SLC25A21: variants seen among roughly 807,000 people sequenced by gnomAD.
SLC25A21 encodes mitochondrial 2-oxodicarboxylate carrier.
Under a neutral mutation model 43.8 loss-of-function variants are expected in SLC25A21, and 47 were observed. The observed-to-expected ratio is 1.07, with a 90% CI of 0.85 to 1.37. The LOEUF is 1.37. SLC25A21 is among the 40% of genes most tolerant of loss of function. The probability of loss-of-function intolerance (pLI) is 0.00; values close to 1 mark genes in which losing one functional copy is unlikely to be tolerated. For synonymous variants in SLC25A21, 131 were observed against 121.3 expected, an observed-to-expected ratio of 1.08 and a Z score of -0.52; for missense variants, 352 against 350.2, an observed-to-expected ratio of 1.00 and a Z score of -0.04.
chr14:36,737,947 G>A (rs1885110340), intron 3 of SLC25A21, among the ~76,000 whole-genome samples: 1 of 152,176 alleles, frequency 6.6e-6, no homozygotes, highest in Non-Finnish European at 1.5e-5. Context: ...GCCTTTGATT[G>A]TATGAGATAC....
chr14:36,813,587 C>T (rs1380682808), intron 3 of SLC25A21, among the ~76,000 whole-genome samples: 1 of 151,982 alleles, frequency 6.6e-6, no homozygotes, highest in Non-Finnish European at 1.5e-5. Flanking sequence ...AGAGTGTGAA[C>T]GGGGAATGAA....
At chr14:36,881,080 T>C (rs1319716764) in intron 1 of SLC25A21, among the ~76,000 whole-genome samples, 1 of 152,216 alleles carries the variant, frequency 6.6e-6, no homozygotes, top group Non-Finnish European at 1.5e-5. Flanking sequence ...AATTTAGTGT[T>C]GCTGTTGACA....
intron 2 of SLC25A21, among the ~76,000 whole-genome samples, chr14:36,817,050 A>G (rs1888481645): frequency 6.6e-6 from 1 of 152,134 alleles, no homozygotes; most frequent in East Asian, 1.9e-4. Flanking sequence ...AATATCCGTA[A>G]TAAGCTTTAA....
intron 7 of SLC25A21, among the ~76,000 whole-genome samples, chr14:36,687,867 C>T (rs190698551): frequency 6.6e-6 from 1 of 152,308 alleles, no homozygotes; most frequent in Admixed American, 6.5e-5. Context: ...GCAGTAATAT[C>T]AGGGTTCTCT....
At chr14:36,734,964 C>T (rs965885837) in intron 3 of SLC25A21, among the ~76,000 whole-genome samples, 1 of 152,148 alleles carries the variant, frequency 6.6e-6, no homozygotes, top group African/African-American at 2.4e-5. Context: ...TACCTGAACC[C>T]ATTAGACTGT....
chr14:36,749,118 G>C (rs1032166689), intron 3 of SLC25A21, among the ~76,000 whole-genome samples: 8 of 152,068 alleles, frequency 5.3e-5, no homozygotes, highest in African/African-American at 1.9e-4. Context: ...GCTGTTTTCT[G>C]TACCTGTCTT....
At chr14:36,819,360 C>CAA (rs56876343) in intron 2 of SLC25A21, among the ~76,000 whole-genome samples, 1 of 152,022 alleles carries the variant, frequency 6.6e-6, no homozygotes, top group Non-Finnish European at 1.5e-5. Flanking sequence ...TTTTTAAAGA[C>CAA]AAAAAATGTT....
intron 1 of SLC25A21, among the ~76,000 whole-genome samples, chr14:36,916,404 T>C (rs771161596): frequency 1.3e-5 from 2 of 152,196 alleles, no homozygotes; most frequent in Admixed American, 6.5e-5. Context: ...TTTTTTCTCA[T>C]GCATATATAG....
chr14:36,893,959 G>T (rs912224029), intron 1 of SLC25A21, among the ~76,000 whole-genome samples: 10 of 152,186 alleles, frequency 6.6e-5, no homozygotes, highest in African/African-American at 2.4e-4. Context: ...AGTATAGTTT[G>T]AAGTCAGGTA....
At chr14:36,921,396 C>A (rs1891977872) in intron 1 of SLC25A21, among the ~76,000 whole-genome samples, 2 of 152,056 alleles carry the variant, frequency 1.3e-5, no homozygotes, top group Admixed American at 6.6e-5. Flanking sequence ...TAATAGAGTC[C>A]TTTATCCTCA....
intron 1 of SLC25A21, among the ~76,000 whole-genome samples, chr14:36,956,995 C>A (rs1313848517): frequency 6.6e-6 from 1 of 152,138 alleles, no homozygotes; most frequent in African/African-American, 2.4e-5. Flanking sequence ...CGTCCAAATG[C>A]ATATTGTTTT....
chr14:37,139,237 C>G (rs1466328440), intron 1 of SLC25A21, among the ~76,000 whole-genome samples: 1 of 151,922 alleles, frequency 6.6e-6, no homozygotes, highest in Non-Finnish European at 1.5e-5. Flanking sequence ...GGATTTAAAT[C>G]AAAAGTCTGC....
At chr14:36,835,581 C>A (rs1217144397) in intron 2 of SLC25A21, among the ~76,000 whole-genome samples, 1 of 152,144 alleles carries the variant, frequency 6.6e-6, no homozygotes, top group Non-Finnish European at 1.5e-5. Context: ...AACGTTTAGC[C>A]CACAGAAGAG....
intron 3 of SLC25A21, among the ~76,000 whole-genome samples, chr14:36,788,246 C>T (rs968484117): frequency 2.6e-5 from 4 of 151,782 alleles, no homozygotes; most frequent in Non-Finnish European, 2.9e-5. Context: ...ATGTCCATTA[C>T]GGATGGGTCT....
chr14:36,712,070 A>T (rs1417847877), intron 6 of SLC25A21, among the ~76,000 whole-genome samples: 1 of 152,200 alleles, frequency 6.6e-6, no homozygotes, highest in African/African-American at 2.4e-5. Context: ...TAAATTCTAC[A>T]TAAATGGTGT....
intron 1 of SLC25A21, among the ~76,000 whole-genome samples, chr14:37,037,754 C>A (rs1961359971): frequency 6.6e-6 from 1 of 152,072 alleles, no homozygotes; most frequent in African/African-American, 2.4e-5. Context: ...ATTCCCCAGC[C>A]CAGAAGTCTT....
intron 1 of SLC25A21, among the ~76,000 whole-genome samples, chr14:37,035,389 C>A (rs189610501): frequency 6.6e-6 from 1 of 152,074 alleles, no homozygotes; most frequent in Non-Finnish European, 1.5e-5. Flanking sequence ...GTTTTCTTCA[C>A]GAGAGTAGCT....
chr14:37,022,501 A>G (rs1397228897), intron 1 of SLC25A21, among the ~76,000 whole-genome samples: 2 of 151,972 alleles, frequency 1.3e-5, no homozygotes, highest in Admixed American at 1.3e-4. Context: ...TTTTATGGTT[A>G]TTATCAATGT....
chr14:36,852,919 A>G (rs1889787172), intron 2 of SLC25A21, among the ~76,000 whole-genome samples: 1 of 152,216 alleles, frequency 6.6e-6, no homozygotes, highest in African/African-American at 2.4e-5. Flanking sequence ...TAAATGTGAA[A>G]TGGAATCAAA....
Sources: gnomAD v4.1 joint callset for allele counts (sites outside exome capture counted in the v4.1 genomes callset) on GRCh38, gnomAD v4.1.1 for gene constraint, MANE v1.5 for transcripts, NCBI Gene and HGNC (gene_info 2026-07-23, HGNC 2026-07-21) for gene names.